Variants in ERBB4 observed in about 807,000 individuals in gnomAD.
ERBB4 encodes the protein erb-b2 receptor tyrosine kinase 4.
In ERBB4, 42 loss-of-function variants were observed where a neutral mutation model predicts 158.0. The ratio of observed to expected loss-of-function variants is 0.27; its 90% confidence interval spans 0.21 to 0.34. The LOEUF is 0.34. Ranked by LOEUF, ERBB4 falls within the 10% of genes least tolerant of loss-of-function variation. The pLI, the probability that ERBB4 is intolerant of heterozygous loss-of-function variation, is 1.00. For missense variants in ERBB4, 1,333 were observed against 1,624.1 expected (o/e 0.82, Z 3.08); for synonymous variants, 583 against 558.7 (o/e 1.04, Z -0.61).
chr2:211,750,977 A>G (rs1363104803), intron 4 of ERBB4, among the ~76,000 whole-genome samples: 1 of 152,238 alleles, frequency 6.6e-6, no homozygotes, highest in Non-Finnish European at 1.5e-5. Context: ...TCAGGAAATC[A>G]AAAGCAAATG....
At chr2:212,009,862 C>T (rs1242351027) in intron 2 of ERBB4, among the ~76,000 whole-genome samples, 1 of 152,114 alleles carries the variant, frequency 6.6e-6, no homozygotes, top group East Asian at 1.9e-4. Context: ...CCTGTCTGTA[C>T]TCCTACTAAT....
chr2:211,471,667 A>C (rs925819030), intron 20 of ERBB4, among the ~76,000 whole-genome samples: 3 of 152,142 alleles, frequency 2.0e-5, no homozygotes, highest in Non-Finnish European at 2.9e-5. Context: ...AACCCAGCTG[A>C]GAATGTTTTA....
intron 1 of ERBB4, among the ~76,000 whole-genome samples, chr2:212,263,046 T>C (rs1156331771): frequency 6.6e-6 from 1 of 152,102 alleles, no homozygotes; most frequent in Non-Finnish European, 1.5e-5. Flanking sequence ...GGGTGGGCCC[T>C]AAATCTTTTG....
intron 1 of ERBB4, among the ~76,000 whole-genome samples, chr2:212,137,326 C>T (rs1025942725): frequency 2.0e-5 from 3 of 152,116 alleles, no homozygotes; most frequent in East Asian, 3.9e-4. Context: ...TCTCTCTCCT[C>T]CCACTCTCAC....
rs532046269 is a variant in ERBB4 at position 211,851,656 on chromosome 2, G to A, written c.422-63497C>T. Among the ~76,000 whole-genome samples, 100 of 151,968 alleles carry A rather than the reference G, an allele frequency of 6.6e-4. 1 individual carries two copies. Among genetic ancestry groups the A allele is most frequent in the African/African-American group, 2.3e-3 (97 of 41,516 alleles). On this transcript the variant is annotated intron_variant, in intron 3 of 27. Coordinates refer to ENST00000342788, the MANE Select transcript of ERBB4 (RefSeq NM_005235.3). ...AAATAATCATTGTTATAAGGATCAC[G>A]TGGTATATTTTGGGATAATATTTAT...
intron 23 of ERBB4, among the ~76,000 whole-genome samples, chr2:211,423,904 C>G (rs972462689): frequency 2.0e-4 from 30 of 151,854 alleles, no homozygotes; most frequent in Admixed American, 2.0e-3. Flanking sequence ...AATTACCTCT[C>G]TTTACGACAG....
intron 1 of ERBB4, among the ~76,000 whole-genome samples, chr2:212,131,510 C>T (rs745856170): frequency 1.3e-5 from 2 of 152,124 alleles, no homozygotes; most frequent in Admixed American, 1.3e-4. Flanking sequence ...GGAGACACAA[C>T]AGTTATTCCA....
chr2:211,734,089 A>T (rs2074521691), intron 5 of ERBB4, among the ~76,000 whole-genome samples: 1 of 152,174 alleles, frequency 6.6e-6, no homozygotes, highest in Non-Finnish European at 1.5e-5. Flanking sequence ...TCTCAAAAAT[A>T]TTTTTAAAAA....
chr2:211,923,697 T>C (rs1431917384), intron 3 of ERBB4, among the ~76,000 whole-genome samples: 1 of 151,566 alleles, frequency 6.6e-6, no homozygotes, highest in African/African-American at 2.4e-5. Flanking sequence ...TTTTTAGAGG[T>C]TGCTCATAAT....
intron 19 of ERBB4, among the ~76,000 whole-genome samples, chr2:211,592,484 T>C (rs79829827): frequency 8.1e-4 from 124 of 152,308 alleles, no homozygotes; most frequent in African/African-American, 2.7e-3. Context: ...AAATGTGTTA[T>C]TTATATTGTA....
At chr2:212,032,642 T>G (rs2076928062) in intron 2 of ERBB4, among the ~76,000 whole-genome samples, 1 of 152,078 alleles carries the variant, frequency 6.6e-6, no homozygotes, top group Non-Finnish European at 1.5e-5. Flanking sequence ...AATTACATTT[T>G]TCTTTGTTCA....
At chr2:211,827,870 TAA>T (rs2077137236) in intron 3 of ERBB4, among the ~76,000 whole-genome samples, 1 of 152,166 alleles carries the variant, frequency 6.6e-6, no homozygotes, top group South Asian at 2.1e-4. Flanking sequence ...TTTCACTTTT[TAA>T]AAGTCTCCTC....
rs146103231 is a variant in ERBB4, at chr2:212,143,871, T to C, written c.83-18968A>G. On this transcript the variant is annotated intron_variant, in intron 1 of 27. Coordinates refer to ENST00000342788, the MANE Select transcript of ERBB4 (RefSeq NM_005235.3). The stretch of plus-strand genomic sequence containing the variant: ...TCTCTACTGAAAAAAATACAAAAAT[T>C]AACCATGTGTGGTGACGCATGCCTG... Among the ~76,000 whole-genome samples the C allele has an allele frequency of 1.3e-3, 190 of 151,832 alleles. 1 individual carries two copies. Among genetic ancestry groups the C allele is most frequent in the African/African-American group, 4.0e-3 (164 of 41,384 alleles).
In ERBB4 at chr2:211,376,747, T is replaced by C; in HGVS notation, c.*6868A>G. 4.3e-6 allele frequency: 1 copy of C among 233,192 alleles called. No individual in the cohort carries two copies. Among genetic ancestry groups the C allele is most frequent in the Non-Finnish European group, 8.5e-6 (1 of 117,672 alleles). The allele number at this position is 233,192 out of a possible 1,614,324, so 14.4% of individuals were successfully genotyped here. A position where few individuals can be genotyped will look rare whatever the true frequency, so the allele number is the denominator to read the frequency against. Reference sequence around the variant, plus strand: ...AGATGACTTTTTTTGTGCTATGAATTGTCTTCCACATTGATCTCATTTTCA... The same window carrying C: ...AGATGACTTTTTTTGTGCTATGAATCGTCTTCCACATTGATCTCATTTTCA... On this transcript the variant is annotated 3_prime_UTR_variant, in exon 28 of 28. Coordinates refer to ENST00000342788, the MANE Select transcript of ERBB4 (RefSeq NM_005235.3).
intron 1 of ERBB4, among the ~76,000 whole-genome samples, chr2:212,536,598 A>G (rs1387703710): frequency 1.3e-5 from 2 of 152,202 alleles, no homozygotes; most frequent in Non-Finnish European, 2.9e-5. Context: ...AGAAGAGACG[A>G]AGCGAGGGCG....
intron 2 of ERBB4, among the ~76,000 whole-genome samples, chr2:212,068,483 G>T (rs560878273): frequency 6.6e-6 from 1 of 152,120 alleles, no homozygotes; most frequent in South Asian, 2.1e-4. Context: ...AATCAGGAAA[G>T]ATAACAGCCA....
intron 1 of ERBB4, among the ~76,000 whole-genome samples, chr2:212,216,506 T>C (rs970028057): frequency 4.0e-5 from 6 of 151,374 alleles, no homozygotes; most frequent in African/African-American, 1.5e-4. Context: ...ATTCAAAAAG[T>C]GTCAAAAATC....
At chr2:211,390,133 A>G (rs1353198665) in intron 25 of ERBB4, among the ~76,000 whole-genome samples, 1 of 152,222 alleles carries the variant, frequency 6.6e-6, no homozygotes, top group African/African-American at 2.4e-5. Flanking sequence ...GAACTTTACC[A>G]AATTACAAAC....
intron 19 of ERBB4, among the ~76,000 whole-genome samples, chr2:211,567,021 A>C (rs766752058): frequency 2.0e-4 from 30 of 152,228 alleles, no homozygotes; most frequent in Non-Finnish European, 4.3e-4. Flanking sequence ...TGATGTCTCC[A>C]TCGAATGTGT....
Sources: allele counts gnomAD v4.1 joint callset (sites outside exome capture counted in the v4.1 genomes callset), GRCh38; gene constraint gnomAD v4.1.1; transcripts MANE v1.5; gene names NCBI Gene and HGNC (gene_info 2026-07-23, HGNC 2026-07-21).